Variants in MACROH2A2 observed in about 807,000 individuals in gnomAD.
MACROH2A2 encodes macroH2A.2 histone, also known as core histone macro-H2A.2.
MACROH2A2 carries 6 observed loss-of-function variants against 37.6 expected under a neutral mutation model. The observed-to-expected ratio is 0.16, with a 90% CI of 0.09 to 0.32. MACROH2A2 has a LOEUF of 0.32. Ranked by LOEUF, MACROH2A2 falls within the 10% of genes least tolerant of loss-of-function variation. MACROH2A2 has a pLI of 1.00. For missense variants in MACROH2A2, 290 were observed against 485.9 expected, an observed-to-expected ratio of 0.60 and a Z score of 3.79; for synonymous variants, 192 against 202.7, an observed-to-expected ratio of 0.95 and a Z score of 0.45.
At chr10:70,058,355 A>G (rs2072029433) in intron 1 of MACROH2A2, among the ~76,000 whole-genome samples, 2 of 152,218 alleles carry the variant, frequency 1.3e-5, no homozygotes, top group African/African-American at 4.8e-5. Flanking sequence ...TGTGTGTGGA[A>G]ATATGCATAG....
chr10:70,108,417 TC>T (rs2072350501), intron 7 of MACROH2A2, among the ~76,000 whole-genome samples: 1 of 152,020 alleles, frequency 6.6e-6, no homozygotes, highest in African/African-American at 2.4e-5. Context: ...CAGGGAAGGA[TC>T]CCTTCCTTGC....
intron 2 of MACROH2A2, among the ~76,000 whole-genome samples, chr10:70,086,282 TTCTC>T (rs1431996505): frequency 4.3e-5 from 6 of 140,466 alleles, no homozygotes; most frequent in African/African-American, 8.3e-5. Flanking sequence ...TATTATCTTT[TTCTC>T]TCTAAGGAAA....
At chr10:70,074,409 T>C (rs908590896) in intron 1 of MACROH2A2, among the ~76,000 whole-genome samples, 10 of 152,224 alleles carry the variant, frequency 6.6e-5, no homozygotes, top group Non-Finnish European at 1.3e-4. Context: ...ACCACACATA[T>C]TCAGTAAAAC....
Position 70,112,206 on chromosome 10 carries a change from T to C in MACROH2A2, c.*523T>C, listed in dbSNP as rs942437081. The C allele has an allele frequency of 6.6e-6, 1 of 151,852 alleles. No homozygotes were observed. The highest frequency in any genetic ancestry group is 2.4e-5 in the African/African-American group (1 of 41,402). The allele number at this position is 151,852 out of a possible 1,614,324, so 9.4% of individuals were successfully genotyped here. Reference sequence around the variant, plus strand: ...AAAAAGGTTTTGATTCAGGCTTTTTTTTGGTTTCATTTTGTTTTTTTAAGA... The same window carrying C: ...AAAAAGGTTTTGATTCAGGCTTTTTCTTGGTTTCATTTTGTTTTTTTAAGA... On this transcript the variant is annotated 3_prime_UTR_variant, in exon 9 of 9. Transcript: ENST00000373255.
chr10:70,111,852 C>G lies in MACROH2A2; in HGVS notation c.*169C>G, dbSNP rs1361106361. Reference sequence around the variant, plus strand: ...TTCACACTCTCCTCCAAAAGAGCCTCCATCTGTAAGGAAGCAGGTCTCCGC... The same window carrying G: ...TTCACACTCTCCTCCAAAAGAGCCTGCATCTGTAAGGAAGCAGGTCTCCGC... On this transcript the variant is annotated 3_prime_UTR_variant, in exon 9 of 9. Transcript: ENST00000373255. The G allele has an allele frequency of 1.5e-5, 7 of 452,656 alleles. No homozygotes were observed. Among genetic ancestry groups the G allele is most frequent in the Non-Finnish European group, 2.7e-5 (7 of 263,316 alleles). The allele number at this position is 452,656 out of a possible 1,614,324, so 28.0% of individuals were successfully genotyped here.
Position 70,090,163 on chromosome 10 carries a change from C to A in MACROH2A2, c.276C>A (p.Asn92Lys). 6.3e-7 allele frequency: 1 copy of A among 1,598,800 alleles called. No homozygotes were observed. Among genetic ancestry groups the A allele is most frequent in the Non-Finnish European group, 8.6e-7 (1 of 1,165,990 alleles). ...CAGTTGCCAATGACGAGGAGCTCAA[C>A]CAGGTATGTCTGAAGCCTTGAGGGA... ...LLAVANDEELNQLLKGVTIAS... is the reference protein window; with the variant it reads ...LLAVANDEELKQLLKGVTIAS... Residue 92 changes from asparagine (N) to lysine (K), a missense_variant, in exon 3 of 9, where the codon AAC becomes AAA. Physicochemically the swap from Asn to Lys is moderately conservative, Grantham distance 94. Around this residue, in one of 3 missense-constraint regions of MACROH2A2, gnomAD observed 83 missense variants for 159.9 expected, o/e 0.52. Transcript: ENST00000373255.
intron 2 of MACROH2A2, among the ~76,000 whole-genome samples, chr10:70,077,676 C>A (rs1007879878): frequency 6.6e-6 from 1 of 152,160 alleles, no homozygotes; most frequent in Admixed American, 6.5e-5. Context: ...TCGAGACCAT[C>A]CTAGCTAACA....
intron 2 of MACROH2A2, among the ~76,000 whole-genome samples, chr10:70,084,240 C>T (rs1316779286): frequency 1.3e-5 from 2 of 152,082 alleles, no homozygotes; most frequent in Non-Finnish European, 1.5e-5. Context: ...TTACTTTGAC[C>T]ACCAGCACAT....
At chr10:70,104,250 G>A (rs1390989754) in intron 7 of MACROH2A2, among the ~76,000 whole-genome samples, 1 of 152,058 alleles carries the variant, frequency 6.6e-6, no homozygotes, top group Non-Finnish European at 1.5e-5. Flanking sequence ...GTGTCTAATA[G>A]GAGGCCCCAC....
intron 6 of MACROH2A2, among the ~76,000 whole-genome samples, chr10:70,097,643 A>G (rs1294062406): frequency 6.6e-6 from 1 of 152,170 alleles, no homozygotes; most frequent in African/African-American, 2.4e-5. Flanking sequence ...CCCCCTCCAC[A>G]TACTTCCAGA....
At chr10:70,095,376 A>AC (rs1192371504) in intron 5 of MACROH2A2, among the ~76,000 whole-genome samples, 1 of 151,772 alleles carries the variant, frequency 6.6e-6, no homozygotes, top group Admixed American at 6.6e-5. Flanking sequence ...TCAAAAAAAA[A>AC]AAAAAAAAGA....
Position 70,109,181 on chromosome 10 carries a change from C to G in MACROH2A2, c.927C>G (p.Val309=). The G allele has an allele frequency of 6.2e-7, 1 of 1,614,096 alleles. No individual in the cohort carries two copies. The highest frequency in any genetic ancestry group is 8.5e-7 in the Non-Finnish European group (1 of 1,179,972). The stretch of plus-strand genomic sequence containing the variant: ...CGGAGGACAAGAAGCTAAAGTCCGT[C>G]GCGTTCCCGCCTTTCCCCAGCGGCA... ...SAAEDKKLKS[V]AFPPFPSGRN... Residue 309 remains valine, a synonymous_variant, in exon 8 of 9, where the codon GTC becomes GTG. Coordinates refer to ENST00000373255, the MANE Select transcript of MACROH2A2 (RefSeq NM_018649.3).
chr10:70,107,276 C>T lies in MACROH2A2; in HGVS notation c.779-1757C>T, dbSNP rs1309126675. ...TTCTACCCATGTGAGGAAGTGCAGT[C>T]AGCACTTCCCTGACACTGTGGACAT... On this transcript the variant is annotated intron_variant, in intron 7 of 8. Transcript: ENST00000373255. This position sits in a 1 kb window ranked among gnomAD's most constrained non-coding sequence, Gnocchi z 4.4. 6.6e-6 allele frequency among the ~76,000 whole-genome samples: 1 copy of T among 152,194 alleles called. No homozygotes were observed. The highest frequency in any genetic ancestry group is 1.5e-5 in the Non-Finnish European group (1 of 68,042).
At chr10:70,070,959 G>A (rs1056548635) in intron 1 of MACROH2A2, among the ~76,000 whole-genome samples, 8 of 142,944 alleles carry the variant, frequency 5.6e-5, no homozygotes, top group African/African-American at 2.2e-4. Flanking sequence ...CTGTTTTGAG[G>A]AAAGTGTGTG....
chr10:70,095,782 C>G, intron 6 of MACROH2A2, 29 bp downstream of exon 6: 1 of 1,070,820 alleles, frequency 9.3e-7, no homozygotes, highest in Non-Finnish European at 1.5e-6. Context: ...AGTAGAAGTG[C>G]CATAGAATAG....
At chr10:70,055,625 G>A (rs1371975094) in intron 1 of MACROH2A2, among the ~76,000 whole-genome samples, 3 of 152,172 alleles carry the variant, frequency 2.0e-5, no homozygotes, top group African/African-American at 7.2e-5. Flanking sequence ...ATACATGCAG[G>A]TAAAACAAGG....
chr10:70,085,675 C>T (rs1165276089), intron 2 of MACROH2A2, among the ~76,000 whole-genome samples: 2 of 152,174 alleles, frequency 1.3e-5, no homozygotes, highest in African/African-American at 4.8e-5. Flanking sequence ...CTTTTTACTG[C>T]TAGATACTCA....
intron 8 of MACROH2A2, among the ~76,000 whole-genome samples, chr10:70,110,551 A>G (rs2072365221): frequency 1.3e-5 from 2 of 152,136 alleles, no homozygotes; most frequent in South Asian, 4.1e-4. Context: ...AATGGCTAGC[A>G]TTTTTAAAGC....
At chr10:70,085,352 G>A (rs571537362) in intron 2 of MACROH2A2, among the ~76,000 whole-genome samples, 6 of 152,318 alleles carry the variant, frequency 3.9e-5, no homozygotes, top group Admixed American at 3.3e-4. Context: ...GTGGGTAGAA[G>A]CTGGAGCCAT....
Sources: gnomAD v4.1 joint callset for allele counts (sites outside exome capture counted in the v4.1 genomes callset) on GRCh38, gnomAD v4.1.1 for gene constraint, gnomAD v4.1.1 regional missense constraint, Gnocchi (gnomAD v3.1) non-coding constraint, MANE v1.5 for transcripts, NCBI Gene and HGNC (gene_info 2026-07-23, HGNC 2026-07-21) for gene names.